The following DAPK1 variants were observed in gnomAD, a reference collection of about 807,000 sequenced individuals.
DAPK1 encodes death-associated protein kinase 1.
A neutral mutation model predicts 144.9 loss-of-function variants in DAPK1; 56 were observed. That is an observed-to-expected ratio of 0.39 (90% CI 0.31 to 0.48). The LOEUF (loss-of-function observed/expected upper bound fraction) is 0.48, where lower values mean the gene tolerates loss of function less well. DAPK1 is among the 20% of genes least tolerant of loss of function. The probability of loss-of-function intolerance (pLI) is 0.95; values close to 1 mark genes in which losing one functional copy is unlikely to be tolerated. For synonymous variants in DAPK1, 690 were observed against 749.0 expected, an observed-to-expected ratio of 0.92 and a Z score of 1.29; for missense variants, 1,454 against 1,875.4, an observed-to-expected ratio of 0.78 and a Z score of 4.15.
intron 17 of DAPK1, 35 bp downstream of exon 17, chr9:87,651,759 A>C: frequency 6.3e-7 from 1 of 1,587,644 alleles, no homozygotes; most frequent in African/African-American, 1.3e-5. Flanking sequence ...ACAGCTTCCA[A>C]CTGTGTCCAT....
At chr9:87,569,610 A>G (rs1827259546) in intron 2 of DAPK1, among the ~76,000 whole-genome samples, 1 of 152,172 alleles carries the variant, frequency 6.6e-6, no homozygotes, top group African/African-American at 2.4e-5. Flanking sequence ...GGAGAATTCA[A>G]GCTGATAGGC....
intron 3 of DAPK1, among the ~76,000 whole-genome samples, chr9:87,616,754 TC>T (rs36208411): frequency 0.035 from 5,371 of 152,194 alleles, 176 homozygotes; most frequent in East Asian, 0.12. Context: ...ATGGATAACT[TC>T]CTGGAGAGCA....
At chr9:87,678,161 G>A (rs11141942) in intron 19 of DAPK1, among the ~76,000 whole-genome samples, 8,782 of 152,204 alleles carry the variant, frequency 0.058, 872 homozygotes, top group African/African-American at 0.2. Context: ...GTTTGGTGCC[G>A]TGGCCTCCAC....
intron 11 of DAPK1, among the ~76,000 whole-genome samples, chr9:87,644,688 G>A (rs1830208920): frequency 6.6e-6 from 1 of 152,176 alleles, no homozygotes; most frequent in Non-Finnish European, 1.5e-5. Flanking sequence ...ATTAAAGATT[G>A]CAAATTGAAA....
chr9:87,513,095 A>C (rs7018682), intron 2 of DAPK1, among the ~76,000 whole-genome samples: 1 of 152,194 alleles, frequency 6.6e-6, no homozygotes, highest in Non-Finnish European at 1.5e-5. Context: ...TAGGTAAAAC[A>C]TCAAGAGAAC....
At chr9:87,653,917 C>T (rs1202350836) in intron 17 of DAPK1, among the ~76,000 whole-genome samples, 1 of 152,144 alleles carries the variant, frequency 6.6e-6, no homozygotes, top group African/African-American at 2.4e-5. Context: ...TGGTCTCGAA[C>T]TCCTGACCTC....
intron 2 of DAPK1, among the ~76,000 whole-genome samples, chr9:87,595,497 T>A (rs1828281746): frequency 6.6e-6 from 1 of 152,206 alleles, no homozygotes; most frequent in Non-Finnish European, 1.5e-5. Context: ...CTCCCCTCAG[T>A]TTAATCCTCA....
intron 17 of DAPK1, among the ~76,000 whole-genome samples, chr9:87,655,529 C>T (rs1219440844): frequency 6.6e-6 from 1 of 152,202 alleles, no homozygotes; most frequent in East Asian, 1.9e-4. Flanking sequence ...GAGGCTGTTG[C>T]TCTTTCTCCA....
intron 19 of DAPK1, among the ~76,000 whole-genome samples, chr9:87,669,347 G>C (rs931479402): frequency 1.3e-5 from 2 of 148,290 alleles, no homozygotes; most frequent in East Asian, 4.2e-4. Flanking sequence ...TTGGGGTGGG[G>C]GGGGGTCACT....
At position 87,654,093 on chromosome 9, in the gene DAPK1, G is replaced by A. The variant is rs143453309; in HGVS notation, c.1824+2369G>A. On this transcript the variant is annotated intron_variant, in intron 17 of 25. Transcript: ENST00000408954. ...ATAAATGTGGTAAGACTAAAGAGAT[G>A]CTATCATTTGGTGAAAAATGGAGAA... Among the ~76,000 whole-genome samples, 17 of 152,302 alleles carry A rather than the reference G, an allele frequency of 1.1e-4. No homozygotes were observed. The East Asian group carries it at 3.1e-3, about 28-fold the overall frequency.
chr9:87,610,118 C>A (rs182205501), intron 3 of DAPK1, among the ~76,000 whole-genome samples: 2 of 152,316 alleles, frequency 1.3e-5, no homozygotes, highest in Admixed American at 1.3e-4. Flanking sequence ...TGCCCTTTAC[C>A]ATTTTTGCAA....
chr9:87,541,208 T>C (rs1268140297), intron 2 of DAPK1, among the ~76,000 whole-genome samples: 3 of 152,130 alleles, frequency 2.0e-5, no homozygotes, highest in Non-Finnish European at 4.4e-5. Flanking sequence ...TCCTATGTAG[T>C]TTATGTCCAA....
At chr9:87,672,813 C>G (rs150517092) in intron 19 of DAPK1, among the ~76,000 whole-genome samples, 1 of 152,164 alleles carries the variant, frequency 6.6e-6, no homozygotes, top group Admixed American at 6.5e-5. Flanking sequence ...TGAGCTGTCG[C>G]GGCAGCTTCC....
At chr9:87,647,200 G>A in intron 13 of DAPK1, 105 bp from the exon 14 acceptor site, 1 of 899,598 alleles carries the variant, frequency 1.1e-6, no homozygotes, top group Non-Finnish European at 1.9e-6. Context: ...GCTCCTCTGG[G>A]GTTTGTCATC....
chr9:87,706,124 C>A lies in DAPK1; in HGVS notation c.3061-8C>A. On this transcript the variant is annotated splice_region_variant and splice_polypyrimidine_tract_variant and intron_variant, in intron 25 of 25. Coordinates refer to ENST00000408954, the MANE Select transcript of DAPK1 (RefSeq NM_004938.4). The surrounding 1 kb of genome is among the most constrained non-coding windows in gnomAD (Gnocchi z 9.0). Reference sequence around the variant, plus strand: ...CCCTAAGCGTGACTTTCTGTTGTCCCCCCGCAGATCAACATCATGCAAAGT... The same window carrying A: ...CCCTAAGCGTGACTTTCTGTTGTCCACCCGCAGATCAACATCATGCAAAGT... The A allele has an allele frequency of 6.4e-7, 1 of 1,573,978 alleles. No individual in the cohort carries two copies. The highest frequency in any genetic ancestry group is 8.7e-7 in the Non-Finnish European group (1 of 1,153,166).
intron 3 of DAPK1, among the ~76,000 whole-genome samples, chr9:87,625,214 C>T (rs996899113): frequency 2.0e-5 from 3 of 152,020 alleles, no homozygotes; most frequent in African/African-American, 7.3e-5. Flanking sequence ...AGGTAGATCT[C>T]GGGTCGCTAT....
At chr9:87,556,484 T>C (rs11141882) in intron 2 of DAPK1, among the ~76,000 whole-genome samples, 52,627 of 152,118 alleles carry the variant, frequency 0.35, 9,463 homozygotes, top group Middle Eastern at 0.51. Context: ...TGGGAAGCCA[T>C]GCATGGGTTA....
At position 87,545,702 on chromosome 9, in the gene DAPK1, C is replaced by T. The variant is rs559362160; in HGVS notation, c.62+46563C>T. ...CTGGGATTACAGGCATGCACCACCA[C>T]ACCTGGCTAATTTTGTATTTTTAGT... On this transcript the variant is annotated intron_variant, in intron 2 of 25. Coordinates refer to ENST00000408954, the MANE Select transcript of DAPK1 (RefSeq NM_004938.4). 1.5e-3 allele frequency among the ~76,000 whole-genome samples: 227 copies of T among 152,224 alleles called. 1 individual carries two copies. Among genetic ancestry groups the T allele is most frequent in the African/African-American group, 5.1e-3 (213 of 41,538 alleles).
chr9:87,534,328 G>T (rs1475332213), intron 2 of DAPK1, among the ~76,000 whole-genome samples: 2 of 148,206 alleles, frequency 1.3e-5, no homozygotes, highest in African/African-American at 5.0e-5. Context: ...GACAATTTCT[G>T]CCTCTCCCAA....
Sources: allele counts gnomAD v4.1 joint callset (sites outside exome capture counted in the v4.1 genomes callset), GRCh38; gene constraint gnomAD v4.1.1; non-coding constraint Gnocchi (gnomAD v3.1); transcripts MANE v1.5; gene names NCBI Gene and HGNC (gene_info 2026-07-23, HGNC 2026-07-21).